DLGAP2: variants seen among roughly 807,000 people sequenced by gnomAD.
DLGAP2 encodes disks large-associated protein 2.
DLGAP2 carries 26 observed loss-of-function variants against 100.3 expected under a neutral mutation model. That is an observed-to-expected ratio of 0.26 (90% CI 0.19 to 0.36). The LOEUF (loss-of-function observed/expected upper bound fraction) is 0.36. DLGAP2 is among the 10% of genes least tolerant of loss of function. The pLI, the probability that DLGAP2 is intolerant of heterozygous loss-of-function variation, is 1.00. For synonymous variants in DLGAP2, 886 were observed against 630.1 expected, an observed-to-expected ratio of 1.41 and a Z score of -6.08; for missense variants, 1,858 against 1,453.2, an observed-to-expected ratio of 1.28 and a Z score of -4.53.
intron 7 of DLGAP2, among the ~76,000 whole-genome samples, chr8:1,631,582 C>G (rs1347129187): frequency 6.6e-6 from 1 of 152,216 alleles, no homozygotes; most frequent in Non-Finnish European, 1.5e-5. Context: ...TTGTCTGTCT[C>G]TGTCCAGTGT....
chr8:1,701,147 C>T (rs780202885), intron 14 of DLGAP2, 41 bp from the exon 15 acceptor site: 3 of 1,536,770 alleles, frequency 2.0e-6, no homozygotes, highest in Non-Finnish European at 2.6e-6. Context: ...CTGGGACCCT[C>T]CTCCGAGCAC....
chr8:826,809 T>C (rs994205524), intron 1 of DLGAP2, among the ~76,000 whole-genome samples: 2 of 152,310 alleles, frequency 1.3e-5, no homozygotes, highest in African/African-American at 4.8e-5. Context: ...GGATTTCTTC[T>C]TAGACCTTTG....
chr8:747,212 T>C (rs1192068267), intron 1 of DLGAP2, among the ~76,000 whole-genome samples: 1 of 152,060 alleles, frequency 6.6e-6, no homozygotes, highest in African/African-American at 2.4e-5. Flanking sequence ...GTTTGTGTAC[T>C]ACCCACAACG....
chr8:1,506,192 T>C (rs1563189224), intron 4 of DLGAP2, among the ~76,000 whole-genome samples: 3 of 152,236 alleles, frequency 2.0e-5, no homozygotes, highest in Non-Finnish European at 2.9e-5. Flanking sequence ...ACATATCTTG[T>C]CTCACAGGAA....
At chr8:873,060 ATTCT>A (rs1371631776) in intron 1 of DLGAP2, among the ~76,000 whole-genome samples, 1 of 152,214 alleles carries the variant, frequency 6.6e-6, no homozygotes, top group African/African-American at 2.4e-5. Context: ...ATTACAACTG[ATTCT>A]TTATATTGAC....
At chr8:1,265,229 G>A (rs1269479925) in intron 3 of DLGAP2, among the ~76,000 whole-genome samples, 1 of 152,134 alleles carries the variant, frequency 6.6e-6, no homozygotes, top group Non-Finnish European at 1.5e-5. Flanking sequence ...AGAAACAGGA[G>A]CCATAATGTA....
intron 3 of DLGAP2, among the ~76,000 whole-genome samples, chr8:1,500,245 C>T (rs1231329721): frequency 6.6e-6 from 1 of 152,384 alleles, no homozygotes; most frequent in Non-Finnish European, 1.5e-5. Context: ...CCTCCTCAGG[C>T]CACTCCCCAC....
chr8:1,180,171 A>G (rs1797348732), intron 2 of DLGAP2, among the ~76,000 whole-genome samples: 1 of 152,170 alleles, frequency 6.6e-6, no homozygotes, highest in East Asian at 1.9e-4. Context: ...GACGTAAATT[A>G]CACTTTTTTC....
At chr8:1,218,776 C>A (rs549293602) in intron 2 of DLGAP2, among the ~76,000 whole-genome samples, 7 of 151,990 alleles carry the variant, frequency 4.6e-5, no homozygotes, top group Non-Finnish European at 8.8e-5. Flanking sequence ...GAATGTTTTT[C>A]CATTGACTTG....
intron 1 of DLGAP2, among the ~76,000 whole-genome samples, chr8:757,734 GTTTT>G (rs368227496): frequency 6.6e-6 from 1 of 152,282 alleles, no homozygotes; most frequent in Non-Finnish European, 1.5e-5. Flanking sequence ...TTAGGTTCAT[GTTTT>G]TAGCAGAATC....
intron 3 of DLGAP2, among the ~76,000 whole-genome samples, chr8:1,466,557 C>T (rs896176223): frequency 1.3e-5 from 2 of 151,368 alleles, no homozygotes; most frequent in African/African-American, 4.9e-5. Flanking sequence ...GTGTGTGTGT[C>T]TGGCCCATAT....
intron 3 of DLGAP2, among the ~76,000 whole-genome samples, chr8:1,303,479 G>C (rs996365437): frequency 1.3e-5 from 2 of 151,992 alleles, no homozygotes; most frequent in Non-Finnish European, 2.9e-5. Context: ...GTGGGAAGGA[G>C]CTTCGACCTG....
intron 2 of DLGAP2, among the ~76,000 whole-genome samples, chr8:1,183,093 C>T (rs954021767): frequency 6.6e-6 from 1 of 152,028 alleles, no homozygotes; most frequent in African/African-American, 2.4e-5. Context: ...TGGGATGACA[C>T]AAATGCATTC....
At chr8:934,599 G>GTGTGACGTGGCTATTCCCGGCT (rs1190036082) in intron 2 of DLGAP2, among the ~76,000 whole-genome samples, 1 of 152,172 alleles carries the variant, frequency 6.6e-6, no homozygotes, top group East Asian at 1.9e-4. Context: ...GCGAGGAGGC[G>GTGTGACGTGGCTATTCCCGGCT]TGTGACGTGG....
intron 2 of DLGAP2, among the ~76,000 whole-genome samples, chr8:1,125,253 T>C (rs1237681116): frequency 6.6e-6 from 1 of 152,248 alleles, no homozygotes; most frequent in Admixed American, 6.5e-5. Flanking sequence ...CTGTAAGATA[T>C]TTCATTGTCA....
chr8:1,119,014 G>A (rs571729254), intron 2 of DLGAP2, among the ~76,000 whole-genome samples: 21 of 151,310 alleles, frequency 1.4e-4, no homozygotes, highest in Non-Finnish European at 2.6e-4. Context: ...TCAAGTGACT[G>A]TATAATTACT....
chr8:748,363 C>G (rs943820765), intron 1 of DLGAP2, among the ~76,000 whole-genome samples: 1 of 151,958 alleles, frequency 6.6e-6, no homozygotes, highest in African/African-American at 2.4e-5. Context: ...CTCGCTCCTC[C>G]AAGACTGAGG....
Position 989,138 on chromosome 8 carries a change from C to T in DLGAP2, c.73+81172C>T, listed in dbSNP as rs748547869. Among the ~76,000 whole-genome samples the T allele has an allele frequency of 2.3e-4, 35 of 152,238 alleles. 1 individual carries two copies. Among genetic ancestry groups the T allele is most frequent in the Admixed American group, 1.5e-3 (23 of 15,300 alleles). On this transcript the variant is annotated intron_variant, in intron 2 of 14. Coordinates refer to ENST00000637795, the MANE Select transcript of DLGAP2 (RefSeq NM_001346810.2). ...TGCAGTCCCAGCCTTCAGCCCTGCG[C>T]GGCACCACCTTGCCGTGTTCCACAC...
chr8:859,869 C>G (rs1797357434), intron 1 of DLGAP2, among the ~76,000 whole-genome samples: 1 of 152,250 alleles, frequency 6.6e-6, no homozygotes, highest in Middle Eastern at 3.4e-3. Flanking sequence ...GAAGACGTGG[C>G]TGGGTTTATA....
Sources: allele counts gnomAD v4.1 joint callset (sites outside exome capture counted in the v4.1 genomes callset), GRCh38; gene constraint gnomAD v4.1.1; transcripts MANE v1.5; gene names NCBI Gene and HGNC (gene_info 2026-07-23, HGNC 2026-07-21).